The following IKZF1 variants were observed in gnomAD, a reference collection of about 807,000 sequenced individuals.
IKZF1 encodes DNA-binding protein Ikaros.
A neutral mutation model predicts 51.7 loss-of-function variants in IKZF1; 10 were observed. That is an observed-to-expected ratio of 0.19 (90% CI 0.12 to 0.33). IKZF1 has a LOEUF of 0.33. Among genes scored for constraint, IKZF1 ranks in the 10% least tolerant of loss-of-function variants. The probability of loss-of-function intolerance (pLI) is 1.00; values close to 1 mark genes in which losing one functional copy is unlikely to be tolerated. For synonymous variants in IKZF1, 280 were observed against 282.3 expected (o/e 0.99, Z 0.08); for missense variants, 484 against 707.5 (o/e 0.68, Z 3.58).
chr7:50,404,213 A>T lies in IKZF1; in HGVS notation c.*3586A>T. On this transcript the variant is annotated 3_prime_UTR_variant, in exon 8 of 8. Coordinates refer to ENST00000331340, the MANE Select transcript of IKZF1 (RefSeq NM_006060.6). ...TGATTGTTCAGGTCGAATCTGTTGT[A>T]TCCAGTACAGCTTTAGGTCTTCAGC... 4.6e-6 allele frequency: 1 copy of T among 216,374 alleles called. No homozygotes were observed. The highest frequency in any genetic ancestry group is 9.3e-6 in the Non-Finnish European group (1 of 107,114). 13.4% of individuals were successfully genotyped at this position (216,374 alleles called of 1,614,324 possible). A position where few individuals can be genotyped will look rare whatever the true frequency, so the allele number is the denominator to read the frequency against.
chr7:50,394,209 C>T, intron 7 of IKZF1: 1 of 232,998 alleles, frequency 4.3e-6, no homozygotes, highest in Non-Finnish European at 8.5e-6. Context: ...TCACAAGCAG[C>T]TGCATAATCT....
intron 7 of IKZF1, among the ~76,000 whole-genome samples, chr7:50,397,319 T>G (rs1272246132): frequency 6.6e-6 from 1 of 152,234 alleles, no homozygotes; most frequent in African/African-American, 2.4e-5. Flanking sequence ...TAAGAGAAAT[T>G]TATAGGTTTT....
At chr7:50,318,691 C>T in intron 1 of IKZF1, 1 of 241,776 alleles carries the variant, frequency 4.1e-6, no homozygotes, top group Non-Finnish European at 8.0e-6. Flanking sequence ...AACTATGGAT[C>T]AGCCAAGAGA....
intron 6 of IKZF1, among the ~76,000 whole-genome samples, chr7:50,389,150 A>C (rs1814287647): frequency 6.6e-6 from 1 of 152,208 alleles, no homozygotes; most frequent in Non-Finnish European, 1.5e-5. Flanking sequence ...TCTGTTTTTG[A>C]ATGTGACCCA....
intron 6 of IKZF1, among the ~76,000 whole-genome samples, chr7:50,387,738 A>T (rs1813823141): frequency 6.6e-6 from 1 of 152,224 alleles, no homozygotes; most frequent in Admixed American, 6.5e-5. Flanking sequence ...GATAGCAGTG[A>T]CCTTGAAAGT....
At position 50,383,745 on chromosome 7, in the gene IKZF1, A is replaced by G. The variant is rs1812537819; in HGVS notation, c.589+1038A>G. On this transcript the variant is annotated intron_variant, in intron 5 of 7. Transcript: ENST00000331340. Reference sequence around the variant, plus strand: ...TAAGCCGGTGCCCTGGGGGATGGCAATGCCTCAGACCAGCTACTCCTCACC... The same window carrying G: ...TAAGCCGGTGCCCTGGGGGATGGCAGTGCCTCAGACCAGCTACTCCTCACC... Among the ~76,000 whole-genome samples, 2 of 152,212 alleles carry G rather than the reference A, an allele frequency of 1.3e-5. 1 individual carries two copies. Among genetic ancestry groups the G allele is most frequent in the South Asian group, 4.1e-4 (2 of 4,826 alleles).
chr7:50,347,357 G>C (rs1410210844), intron 3 of IKZF1, among the ~76,000 whole-genome samples: 2 of 152,164 alleles, frequency 1.3e-5, no homozygotes, highest in East Asian at 1.9e-4. Flanking sequence ...TCAGATCCTA[G>C]AGCCTCTGAG....
chr7:50,305,276 G>C (rs1478676595), intron 1 of IKZF1, among the ~76,000 whole-genome samples: 1 of 152,094 alleles, frequency 6.6e-6, no homozygotes, highest in African/African-American at 2.4e-5. Context: ...TATTTGAGCC[G>C]GGAGCTTTCT....
intron 7 of IKZF1, among the ~76,000 whole-genome samples, chr7:50,398,872 T>C (rs1366140046): frequency 6.6e-6 from 1 of 152,222 alleles, no homozygotes; most frequent in African/African-American, 2.4e-5. Context: ...AATTTGCTAA[T>C]TAAGCCATGA....
At chr7:50,375,410 C>T (rs536352409) in intron 3 of IKZF1, among the ~76,000 whole-genome samples, 1 of 152,258 alleles carries the variant, frequency 6.6e-6, no homozygotes, top group African/African-American at 2.4e-5. Flanking sequence ...TCATCTATCT[C>T]ATTGATCATT....
In IKZF1 at chr7:50,404,424, T is replaced by C; in HGVS notation, c.*3797T>C. The C allele has an allele frequency of 4.4e-6, 1 of 228,684 alleles. No individual in the cohort carries two copies. The highest frequency in any genetic ancestry group is 8.7e-6 in the Non-Finnish European group (1 of 115,104). The allele number at this position is 228,684 out of a possible 1,614,324, so 14.2% of individuals were successfully genotyped here. On this transcript the variant is annotated 3_prime_UTR_variant, in exon 8 of 8. Coordinates refer to ENST00000331340, the MANE Select transcript of IKZF1 (RefSeq NM_006060.6). ...CTTCTGTAGTGATAGAACAAATAAA[T>C]GCAACGAATACTCTGTCTGCCCTAT...
chr7:50,396,537 A>G (rs1816756479), intron 7 of IKZF1, among the ~76,000 whole-genome samples: 1 of 152,152 alleles, frequency 6.6e-6, no homozygotes, highest in Non-Finnish European at 1.5e-5. Flanking sequence ...TTTTTCCCCT[A>G]GGAGGGACTC....
rs1194905167 is a variant in IKZF1 at position 50,376,014 on chromosome 7, A to G, written c.161-519A>G. 6.6e-6 allele frequency among the ~76,000 whole-genome samples: 1 copy of G among 152,224 alleles called. No individual in the cohort carries two copies. Among genetic ancestry groups the G allele is most frequent in the Admixed American group, 6.5e-5 (1 of 15,290 alleles). ...TTTGTCCCAAAGTTTATTAATGTTT[A>G]CATGCCACAAGGAAAGGTAGCATCA... On this transcript the variant is annotated intron_variant, in intron 3 of 7. Transcript: ENST00000331340. This position sits in a 1 kb window ranked among gnomAD's most constrained non-coding sequence, Gnocchi z 4.5.
At chr7:50,318,912 A>G (rs1193863767) in intron 1 of IKZF1, 136 bp from the exon 2 acceptor site, 2 of 579,608 alleles carry the variant, frequency 3.5e-6, no homozygotes, top group East Asian at 5.4e-5. Flanking sequence ...TCCAGCAAGT[A>G]TGTGAGGAGG....
At chr7:50,323,010 G>A (rs1381613834) in intron 2 of IKZF1, among the ~76,000 whole-genome samples, 3 of 152,090 alleles carry the variant, frequency 2.0e-5, no homozygotes, top group Non-Finnish European at 2.9e-5. Flanking sequence ...TATATCTAAA[G>A]GATATGGAAA....
intron 7 of IKZF1, among the ~76,000 whole-genome samples, chr7:50,392,571 C>T (rs1241978769): frequency 6.6e-6 from 1 of 152,120 alleles, no homozygotes; most frequent in African/African-American, 2.4e-5. Flanking sequence ...CCGCCACTCA[C>T]CAACTCTGTC....
At chr7:50,350,189 G>C (rs1801485714) in intron 3 of IKZF1, among the ~76,000 whole-genome samples, 1 of 152,218 alleles carries the variant, frequency 6.6e-6, no homozygotes, top group African/African-American at 2.4e-5. Flanking sequence ...AGCACATGTT[G>C]ATGCTGTATC....
chr7:50,403,662 G>A lies in IKZF1; in HGVS notation c.*3035G>A, dbSNP rs1342905082. On this transcript the variant is annotated 3_prime_UTR_variant, in exon 8 of 8. Coordinates refer to ENST00000331340, the MANE Select transcript of IKZF1 (RefSeq NM_006060.6). ...CACATTATCATTGCATATCAGCAAAGGGTAAAGTCCTAGCACCAATTGCTT... is the reference window on the plus strand; with the variant it reads ...CACATTATCATTGCATATCAGCAAAAGGTAAAGTCCTAGCACCAATTGCTT... The A allele has an allele frequency of 4.4e-6, 1 of 228,356 alleles. No individual in the cohort carries two copies. Among genetic ancestry groups the A allele is most frequent in the Non-Finnish European group, 8.7e-6 (1 of 114,954 alleles). The allele number at this position is 228,356 out of a possible 1,614,324, so 14.1% of individuals were successfully genotyped here. A position where few individuals can be genotyped will look rare whatever the true frequency, so the allele number is the denominator to read the frequency against.
chr7:50,348,870 G>A (rs931302247), intron 3 of IKZF1, among the ~76,000 whole-genome samples: 1 of 152,198 alleles, frequency 6.6e-6, no homozygotes, highest in Non-Finnish European at 1.5e-5. Flanking sequence ...TGGCCGTGGG[G>A]CAGTTTATGT....
Sources: gnomAD v4.1 joint callset for allele counts (sites outside exome capture counted in the v4.1 genomes callset) on GRCh38, gnomAD v4.1.1 for gene constraint, Gnocchi (gnomAD v3.1) non-coding constraint, MANE v1.5 for transcripts, NCBI Gene and HGNC (gene_info 2026-07-23, HGNC 2026-07-21) for gene names.